Variants in FAM178B observed in about 807,000 individuals in gnomAD.
The protein encoded by FAM178B is protein FAM178B.
Under a neutral mutation model 91.7 loss-of-function variants are expected in FAM178B, and 82 were observed. The ratio of observed to expected loss-of-function variants is 0.89; its 90% CI spans 0.75 to 1.07. The LOEUF is 1.07. FAM178B is among the 50% of genes least tolerant of loss of function. The pLI is 0.00. For synonymous variants in FAM178B, 368 were observed against 359.4 expected, an observed-to-expected ratio of 1.02 and a Z score of -0.27; for missense variants, 769 against 846.7, an observed-to-expected ratio of 0.91 and a Z score of 1.14.
At chr2:96,942,879 C>T (rs997048915) in intron 8 of FAM178B, among the ~76,000 whole-genome samples, 6 of 152,030 alleles carry the variant, frequency 3.9e-5, no homozygotes, top group African/African-American at 1.5e-4. Flanking sequence ...ACAAGGGTGC[C>T]AACAGAATTC....
At chr2:96,902,883 C>T (rs972534505) in intron 12 of FAM178B, among the ~76,000 whole-genome samples, 176 bp from the exon 13 acceptor site, 4 of 152,214 alleles carry the variant, frequency 2.6e-5, no homozygotes, top group African/African-American at 9.6e-5. Context: ...GAATGAAACT[C>T]TCATGATCAG....
chr2:96,977,942 G>A (rs901591299), intron 1 of FAM178B: 2 of 445,586 alleles, frequency 4.5e-6, no homozygotes, highest in Non-Finnish European at 9.1e-6. Flanking sequence ...GCTGGAGGGT[G>A]GGGCGGGCGG....
At chr2:96,962,817 G>A (rs2082099983) in intron 5 of FAM178B, among the ~76,000 whole-genome samples, 1 of 152,204 alleles carries the variant, frequency 6.6e-6, no homozygotes, top group Non-Finnish European at 1.5e-5. Context: ...GTGACGGGCA[G>A]TTGTGGCAAT....
chr2:96,915,970 T>C (rs756358824), intron 12 of FAM178B, among the ~76,000 whole-genome samples: 9 of 152,196 alleles, frequency 5.9e-5, no homozygotes, highest in Non-Finnish European at 1.3e-4. Flanking sequence ...ACTCAGCGTA[T>C]TTCATTAACT....
At chr2:96,971,705 C>T (rs939232138) in intron 3 of FAM178B, among the ~76,000 whole-genome samples, 196 bp downstream of exon 3, 3 of 152,356 alleles carry the variant, frequency 2.0e-5, no homozygotes, top group African/African-American at 7.2e-5. Context: ...AGACACAGGG[C>T]GAGGTGCATC....
At chr2:96,906,353 C>A (rs887735875) in intron 12 of FAM178B, among the ~76,000 whole-genome samples, 3 of 152,006 alleles carry the variant, frequency 2.0e-5, no homozygotes, top group Non-Finnish European at 4.4e-5. Flanking sequence ...AGGCATGTAC[C>A]ACCAAGCCCG....
intron 1 of FAM178B, chr2:96,978,080 C>A (rs2082315688): frequency 2.7e-6 from 1 of 368,886 alleles, no homozygotes; most frequent in Non-Finnish European, 5.4e-6. Flanking sequence ...GTCTTCTCCA[C>A]ACTGATGACT....
Position 96,876,166 on chromosome 2 carries a change from TG to T in FAM178B, c.*109del. On this transcript the variant is annotated 3_prime_UTR_variant, in exon 17 of 17. Coordinates refer to ENST00000490605, the MANE Select transcript of FAM178B (RefSeq NM_001122646.3). ...GGGGCAGGCTCTTGCCTCATCAGGC[TG>T]GTCAGCATGTGGCCTCCTCTGGCCT... The T allele has an allele frequency of 8.8e-7, 1 of 1,134,970 alleles. No individual in the cohort carries two copies. Among genetic ancestry groups the T allele is most frequent in the Non-Finnish European group, 1.3e-6 (1 of 780,936 alleles). 70.3% of individuals were successfully genotyped at this position (1,134,970 alleles called of 1,614,324 possible).
intron 14 of FAM178B, among the ~76,000 whole-genome samples, chr2:96,880,626 G>C (rs1343830956): frequency 6.6e-6 from 1 of 151,292 alleles, no homozygotes; most frequent in Non-Finnish European, 1.5e-5. Flanking sequence ...ACGGAGTCTC[G>C]CTCTGTTGCC....
intron 13 of FAM178B, among the ~76,000 whole-genome samples, chr2:96,895,442 CCAA>C (rs894221768): frequency 5.3e-5 from 8 of 152,230 alleles, no homozygotes; most frequent in African/African-American, 1.9e-4. Flanking sequence ...AATAAACTGC[CCAA>C]CCTCTCTGAA....
At position 96,972,447 on chromosome 2, in the gene FAM178B, T is replaced by G. The variant is rs906017306; in HGVS notation, c.142+91A>C. 3 of 1,505,900 alleles carry G rather than the reference T, an allele frequency of 2.0e-6. No individual in the cohort carries two copies. In the Admixed American group the frequency reaches 6.1e-5, roughly 31 times the overall value. The allele number at this position is 1,505,900 out of a possible 1,614,324, so 93.3% of individuals were successfully genotyped here. ...CAACTTGGGGTTGCTGTGGGAAGGA[T>G]GCAAGGGAAATCCTTCAGCCATGGG... On this transcript the variant is annotated intron_variant, in intron 2 of 16. Coordinates refer to ENST00000490605, the MANE Select transcript of FAM178B (RefSeq NM_001122646.3).
At chr2:96,945,161 C>T (rs576359349) in intron 8 of FAM178B, among the ~76,000 whole-genome samples, 1 of 152,320 alleles carries the variant, frequency 6.6e-6, no homozygotes, top group Non-Finnish European at 1.5e-5. Flanking sequence ...TGCAATGAGG[C>T]ATGGCAATGT....
At chr2:96,973,105 G>A (rs1482548245) in intron 1 of FAM178B, among the ~76,000 whole-genome samples, 7 of 151,642 alleles carry the variant, frequency 4.6e-5, no homozygotes, top group Non-Finnish European at 7.4e-5. Context: ...CTACTCGGGA[G>A]GCTGAGGCAG....
chr2:96,980,825 T>C (rs964238421), intron 1 of FAM178B, among the ~76,000 whole-genome samples: 4 of 152,210 alleles, frequency 2.6e-5, no homozygotes, highest in Non-Finnish European at 4.4e-5. Context: ...TGGGTACCTA[T>C]AGACATCTTC....
intron 14 of FAM178B, among the ~76,000 whole-genome samples, chr2:96,880,780 G>A (rs2153367262): frequency 6.6e-6 from 1 of 152,260 alleles, no homozygotes; most frequent in Non-Finnish European, 1.5e-5. Flanking sequence ...ATTTTCAGTG[G>A]AGACGGGGTT....
chr2:96,880,650 A>G (rs2080357510), intron 14 of FAM178B, among the ~76,000 whole-genome samples: 1 of 151,618 alleles, frequency 6.6e-6, no homozygotes, highest in South Asian at 2.1e-4. Flanking sequence ...GCTGTAGTGC[A>G]GTGGCGCAAT....
intron 6 of FAM178B, among the ~76,000 whole-genome samples, chr2:96,956,378 G>T (rs2081999831): frequency 6.6e-6 from 1 of 152,182 alleles, no homozygotes; most frequent in African/African-American, 2.4e-5. Context: ...TCCCAAGGCA[G>T]GCTCCCCGGG....
At chr2:96,907,659 A>G (rs1419608377) in intron 12 of FAM178B, among the ~76,000 whole-genome samples, 1 of 152,236 alleles carries the variant, frequency 6.6e-6, no homozygotes, top group Non-Finnish European at 1.5e-5. Context: ...TGAGACATTC[A>G]CAAATGACTT....
chr2:96,903,263 T>C (rs1470380673), intron 12 of FAM178B, among the ~76,000 whole-genome samples: 1 of 152,198 alleles, frequency 6.6e-6, no homozygotes, highest in Non-Finnish European at 1.5e-5. Flanking sequence ...ATAGTCTCGA[T>C]CTCCTGACCT....
Sources: allele counts gnomAD v4.1 joint callset (sites outside exome capture counted in the v4.1 genomes callset), GRCh38; gene constraint gnomAD v4.1.1; transcripts MANE v1.5; gene names NCBI Gene and HGNC (gene_info 2026-07-23, HGNC 2026-07-21).